Variants in SEMA5A observed in about 807,000 individuals in gnomAD.
SEMA5A encodes the protein semaphorin-5A.
In SEMA5A, 55 loss-of-function variants were observed where a neutral mutation model predicts 135.5. The observed-to-expected ratio is 0.41, with a 90% CI of 0.33 to 0.51. The LOEUF (loss-of-function observed/expected upper bound fraction) is 0.51, where lower values mean the gene tolerates loss of function less well. Ranked by LOEUF, SEMA5A falls within the 20% of genes least tolerant of loss-of-function variation. The pLI, the probability that SEMA5A is intolerant of heterozygous loss-of-function variation, is 0.37. For missense variants in SEMA5A, 1,290 were observed against 1,419.9 expected, an observed-to-expected ratio of 0.91 and a Z score of 1.47; for synonymous variants, 580 against 546.5, an observed-to-expected ratio of 1.06 and a Z score of -0.85.
chr5:9,342,845 T>C lies in SEMA5A; in HGVS notation c.125-5033A>G, dbSNP rs551196784. Among the ~76,000 whole-genome samples the C allele has an allele frequency of 2.2e-4, 34 of 152,272 alleles. 1 individual carries two copies. The South Asian group carries it at 6.0e-3, about 27-fold the overall frequency. On this transcript the variant is annotated intron_variant, in intron 3 of 22. Coordinates refer to ENST00000382496, the MANE Select transcript of SEMA5A (RefSeq NM_003966.3). ...ATTGTAAGAGTGAGTGTTGCCAAGA[T>C]CAATAGCTGGTAAGATACAAACCCA...
At chr5:9,410,853 A>C (rs1208199985) in intron 2 of SEMA5A, among the ~76,000 whole-genome samples, 1 of 149,860 alleles carries the variant, frequency 6.7e-6, no homozygotes, top group African/African-American at 2.5e-5. Context: ...ACAAAAAAAA[A>C]TTTTAAAGAA....
At chr5:9,397,768 G>T (rs1201994652) in intron 2 of SEMA5A, among the ~76,000 whole-genome samples, 2 of 152,222 alleles carry the variant, frequency 1.3e-5, no homozygotes, top group Non-Finnish European at 2.9e-5. Context: ...CCAGAGGATT[G>T]CAGTAGCTTT....
chr5:9,049,452 A>G (rs1736450704), intron 21 of SEMA5A, among the ~76,000 whole-genome samples: 2 of 152,232 alleles, frequency 1.3e-5, no homozygotes, highest in African/African-American at 4.8e-5. Flanking sequence ...GGCGTGAGCC[A>G]CTATGCCCAG....
intron 1 of SEMA5A, among the ~76,000 whole-genome samples, chr5:9,462,053 C>T (rs963775992): frequency 6.6e-6 from 1 of 152,192 alleles, no homozygotes; most frequent in Non-Finnish European, 1.5e-5. Flanking sequence ...CTGCTATCTA[C>T]AACCTTGGCT....
chr5:9,123,208 G>A (rs1406274438), intron 13 of SEMA5A, among the ~76,000 whole-genome samples: 13 of 130,712 alleles, frequency 9.9e-5, no homozygotes, highest in East Asian at 4.6e-4. Flanking sequence ...GCAGTGAGCC[G>A]AGATCGCACC....
intron 1 of SEMA5A, among the ~76,000 whole-genome samples, chr5:9,463,485 T>A (rs1428271153): frequency 6.6e-6 from 1 of 152,058 alleles, no homozygotes; most frequent in Non-Finnish European, 1.5e-5. Context: ...TGGCAATCAT[T>A]CTCTAAAGAA....
At chr5:9,326,896 T>C (rs1752905175) in intron 4 of SEMA5A, among the ~76,000 whole-genome samples, 1 of 152,218 alleles carries the variant, frequency 6.6e-6, no homozygotes, top group South Asian at 2.1e-4. Context: ...TAAATTTAAA[T>C]ATAATGATTT....
intron 10 of SEMA5A, among the ~76,000 whole-genome samples, chr5:9,193,167 T>A (rs568643758): frequency 6.6e-6 from 1 of 152,288 alleles, no homozygotes. Context: ...TGGAAGAGTA[T>A]TCAGAGTTAT....
At chr5:9,205,760 G>C (rs40679) in intron 8 of SEMA5A, among the ~76,000 whole-genome samples, 59,950 of 152,002 alleles carry the variant, frequency 0.39, 11,961 homozygotes, top group East Asian at 0.55. Context: ...ATGTTGGTCA[G>C]GGAGTGAGAC....
chr5:9,236,285 C>T (rs1747904264), intron 6 of SEMA5A, among the ~76,000 whole-genome samples: 1 of 152,148 alleles, frequency 6.6e-6, no homozygotes, highest in Admixed American at 6.5e-5. Flanking sequence ...GTGGTGCTTG[C>T]ATCAGTGAAT....
intron 13 of SEMA5A, among the ~76,000 whole-genome samples, chr5:9,133,067 A>C (rs550578288): frequency 1.4e-4 from 22 of 152,348 alleles, no homozygotes; most frequent in African/African-American, 5.3e-4. Context: ...TCTTAGCAAC[A>C]TATAAAGCAG....
chr5:9,286,725 TACAC>T (rs10555387), intron 5 of SEMA5A, among the ~76,000 whole-genome samples: 10 of 150,934 alleles, frequency 6.6e-5, no homozygotes, highest in South Asian at 2.1e-4. Context: ...TATACACACA[TACAC>T]ACACACACAC....
At chr5:9,230,036 G>A (rs1184327950) in intron 6 of SEMA5A, among the ~76,000 whole-genome samples, 1 of 151,998 alleles carries the variant, frequency 6.6e-6, no homozygotes, top group East Asian at 1.9e-4. Flanking sequence ...CCAGGCTGGA[G>A]TGCAGTGGCA....
chr5:9,294,518 A>G (rs1751238535), intron 5 of SEMA5A, among the ~76,000 whole-genome samples: 2 of 152,146 alleles, frequency 1.3e-5, no homozygotes, highest in African/African-American at 4.8e-5. Flanking sequence ...GTCAACACCT[A>G]TTGTGCTGAA....
At chr5:9,169,527 A>C (rs1268160674) in intron 11 of SEMA5A, among the ~76,000 whole-genome samples, 2 of 152,202 alleles carry the variant, frequency 1.3e-5, no homozygotes, top group Non-Finnish European at 1.5e-5. Flanking sequence ...CTAGGAGCAG[A>C]ACTGTGTAAT....
intron 11 of SEMA5A, among the ~76,000 whole-genome samples, chr5:9,186,053 A>G (rs1323851028): frequency 6.6e-6 from 1 of 152,222 alleles, no homozygotes; most frequent in Non-Finnish European, 1.5e-5. Flanking sequence ...ACTCAATAGC[A>G]TATGAGACTC....
intron 5 of SEMA5A, among the ~76,000 whole-genome samples, chr5:9,257,695 T>C (rs1275023823): frequency 3.3e-5 from 5 of 152,144 alleles, no homozygotes; most frequent in Non-Finnish European, 7.4e-5. Flanking sequence ...CCCTTGGTCA[T>C]AAGGCACCAC....
Position 9,545,852 on chromosome 5 carries a change from C to A in SEMA5A, c.-443G>T. 1 of 152,484 alleles carries A rather than the reference C, an allele frequency of 6.6e-6. No individual in the cohort carries two copies. The highest frequency in any genetic ancestry group is 1.5e-5 in the Non-Finnish European group (1 of 68,212). 9.4% of individuals were successfully genotyped at this position (152,484 alleles called of 1,614,324 possible). On this transcript the variant is annotated 5_prime_UTR_variant, in exon 1 of 23. Coordinates refer to ENST00000382496, the MANE Select transcript of SEMA5A (RefSeq NM_003966.3). This position sits in a 1 kb window ranked among gnomAD's most constrained non-coding sequence, Gnocchi z 4.5. ...CCCTCGAGGTGGCAAAGTTGGGTGT[C>A]CAAGCCAGCTCCGCGGGGCAGTCCT... is the stretch of plus-strand genomic sequence containing the variant.
chr5:9,541,545 A>G (rs1383560436), intron 1 of SEMA5A, among the ~76,000 whole-genome samples: 2 of 152,228 alleles, frequency 1.3e-5, no homozygotes, highest in Non-Finnish European at 2.9e-5. Flanking sequence ...CAATTCTAGG[A>G]AACCAATAAG....
Sources: allele counts gnomAD v4.1 joint callset (sites outside exome capture counted in the v4.1 genomes callset), GRCh38; gene constraint gnomAD v4.1.1; non-coding constraint Gnocchi (gnomAD v3.1); transcripts MANE v1.5; gene names NCBI Gene and HGNC (gene_info 2026-07-23, HGNC 2026-07-21).